The following NSD1 variants were observed in gnomAD, a reference collection of about 807,000 sequenced individuals.
NSD1 encodes histone-lysine N-methyltransferase, H3 lysine-36 specific.
NSD1 carries 26 observed loss-of-function variants against 242.7 expected under a neutral mutation model. That is an observed-to-expected ratio of 0.11 (90% CI 0.08 to 0.15). The LOEUF (loss-of-function observed/expected upper bound fraction) is 0.15. Among genes scored for constraint, NSD1 ranks in the 10% least tolerant of loss-of-function variants. The probability of loss-of-function intolerance (pLI) is 1.00; values close to 1 mark genes in which losing one functional copy is unlikely to be tolerated. For synonymous variants in NSD1, 1,106 were observed against 1,178.1 expected, an observed-to-expected ratio of 0.94 and a Z score of 1.25; for missense variants, 2,495 against 3,272.8, an observed-to-expected ratio of 0.76 and a Z score of 5.80.
At chr5:177,195,225 A>G (rs767418248) in intron 3 of NSD1, among the ~76,000 whole-genome samples, 5 of 151,888 alleles carry the variant, frequency 3.3e-5, no homozygotes, top group Non-Finnish European at 7.4e-5. Flanking sequence ...GCTCATGCCT[A>G]TAATCCCAGC....
chr5:177,185,847 ATATAT>A (rs1446549376), intron 2 of NSD1, among the ~76,000 whole-genome samples: 1 of 86,950 alleles, frequency 1.2e-5, no homozygotes, highest in African/African-American at 4.9e-5. Context: ...ATATTTAAAT[ATATAT>A]TATATATTAT....
intron 5 of NSD1, 34 bp from the exon 6 acceptor site, chr5:177,235,787 T>G (rs1161886703): frequency 6.2e-7 from 1 of 1,613,646 alleles, no homozygotes; most frequent in Non-Finnish European, 8.5e-7. Context: ...CTGAAGCTTT[T>G]TGATTAATGT....
In NSD1 at chr5:177,295,740, TAAA is replaced by T; in HGVS notation, c.*284_*286del. 2 of 535,248 alleles carry T rather than the reference TAAA, an allele frequency of 3.7e-6. No homozygotes were observed. Among genetic ancestry groups the T allele is most frequent in the Non-Finnish European group, 6.7e-6 (2 of 297,036 alleles). The allele number at this position is 535,248 out of a possible 1,614,324, so 33.2% of individuals were successfully genotyped here. ...ACTTTTCCACATGGTCATCGTGAAA[TAAA>T]AAGTCCACTCTGGAGTCAAGTATGG... On this transcript the variant is annotated 3_prime_UTR_variant, in exon 23 of 23. Coordinates refer to ENST00000439151, the MANE Select transcript of NSD1 (RefSeq NM_022455.5). The surrounding 1 kb of genome is among the most constrained non-coding windows in gnomAD (Gnocchi z 4.3).
intron 2 of NSD1, among the ~76,000 whole-genome samples, chr5:177,180,248 C>A (rs1353585532): frequency 6.6e-6 from 1 of 151,946 alleles, no homozygotes; most frequent in Non-Finnish European, 1.5e-5. Flanking sequence ...GCACATGCCA[C>A]CACGCCTAGC....
At chr5:177,234,789 G>C (rs1410143112) in intron 5 of NSD1, among the ~76,000 whole-genome samples, 1 of 152,124 alleles carries the variant, frequency 6.6e-6, no homozygotes, top group African/African-American at 2.4e-5. Context: ...TGACTTTAGA[G>C]GAAACATTTT....
intron 17 of NSD1, among the ~76,000 whole-genome samples, chr5:177,276,341 CT>C (rs1290249519): frequency 1.3e-5 from 2 of 150,188 alleles, no homozygotes; most frequent in African/African-American, 4.9e-5. Flanking sequence ...TTTTTTCCCC[CT>C]GAGACAGAGT....
chr5:177,199,419 A>C (rs1191537536), intron 3 of NSD1, among the ~76,000 whole-genome samples: 2 of 151,926 alleles, frequency 1.3e-5, no homozygotes, highest in Non-Finnish European at 2.9e-5. Context: ...CACCATGCCC[A>C]GCTAATTTTT....
upstream of NSD1, among the ~76,000 whole-genome samples, chr5:177,132,393 T>C (rs1009243689): frequency 4.0e-5 from 6 of 151,040 alleles, no homozygotes; most frequent in African/African-American, 1.2e-4. The surrounding 1 kb of genome is among the most constrained non-coding windows in gnomAD (Gnocchi z 7.5). Context: ...CGCACGCACA[T>C]ACCCACGCCG....
intron 2 of NSD1, among the ~76,000 whole-genome samples, chr5:177,146,127 T>C (rs1308893208): frequency 6.6e-6 from 1 of 151,402 alleles, no homozygotes; most frequent in African/African-American, 2.4e-5. Flanking sequence ...TTTTGCCTGG[T>C]TTTGCAATGG....
intron 14 of NSD1, among the ~76,000 whole-genome samples, chr5:177,261,909 A>C (rs1444197717): frequency 1.3e-5 from 2 of 152,148 alleles, no homozygotes; most frequent in Non-Finnish European, 2.9e-5. Flanking sequence ...ATTCTGAGGG[A>C]CTAATTTTAA....
At chr5:177,170,511 C>T (rs907369256) in intron 2 of NSD1, among the ~76,000 whole-genome samples, 3 of 151,902 alleles carry the variant, frequency 2.0e-5, no homozygotes, top group African/African-American at 4.8e-5. Flanking sequence ...CCACCATGCC[C>T]GGCTAATTTT....
At position 177,298,805 on chromosome 5, in the gene NSD1, A is replaced by G. The variant is rs1760408455; in HGVS notation, c.*3346A>G. 8.6e-6 allele frequency: 2 copies of G among 233,052 alleles called. No homozygotes were observed. The allele number at this position is 233,052 out of a possible 1,614,324, so 14.4% of individuals were successfully genotyped here. On this transcript the variant is annotated 3_prime_UTR_variant, in exon 23 of 23. Transcript: ENST00000439151. ...AAGTTTAGTCCTGACAGATTCCCCC[A>G]TAGGGAGTAATGAGGACAGCATGAA...
rs1307595972 is a variant in NSD1, at chr5:177,294,638, G to A, written c.7270G>A (p.Val2424Ile). ...CCAGAGACTCCCACCTCCTGAGAAA[G>A]TACTATCAGCTGTGGTCCAGACCCT... ...LSQRLPPPEK[V>I]LSAVVQTLVA... Residue 2424 changes from valine to isoleucine, a missense_variant, in exon 23 of 23, where the codon GTA (valine) becomes ATA (isoleucine). Coordinates refer to ENST00000439151, the MANE Select transcript of NSD1 (RefSeq NM_022455.5). 1 of 1,614,086 alleles carries A rather than the reference G, an allele frequency of 6.2e-7. No individual in the cohort carries two copies. The highest frequency in any genetic ancestry group is 1.3e-5 in the African/African-American group (1 of 74,912).
At chr5:177,195,690 A>C (rs1374561661) in intron 3 of NSD1, among the ~76,000 whole-genome samples, 1 of 152,018 alleles carries the variant, frequency 6.6e-6, no homozygotes, top group East Asian at 1.9e-4. Context: ...GCTGGTCTGA[A>C]ACTCCTGGGC....
rs1760314297 is a variant in NSD1 at position 177,297,287 on chromosome 5, C to T, written c.*1828C>T. 4.3e-6 allele frequency: 1 copy of T among 231,598 alleles called. No homozygotes were observed. Among genetic ancestry groups the T allele is most frequent in the African/African-American group, 2.2e-5 (1 of 45,200 alleles). 14.3% of individuals were successfully genotyped at this position (231,598 alleles called of 1,614,324 possible). On this transcript the variant is annotated 3_prime_UTR_variant, in exon 23 of 23. Transcript: ENST00000439151. ...TTTCATCCTCTCTCTCTTCCCACAT[C>T]ATCAAAGAGGAAAAGCTCTTTGTTC...
At chr5:177,254,276 G>GT (rs1240180148) in intron 12 of NSD1, among the ~76,000 whole-genome samples, 1 of 152,154 alleles carries the variant, frequency 6.6e-6, no homozygotes, top group Non-Finnish European at 1.5e-5. Context: ...TGATGTATTT[G>GT]TAAGACTAAT....
chr5:177,188,372 G>A (rs562727863), intron 2 of NSD1, among the ~76,000 whole-genome samples: 65 of 152,262 alleles, frequency 4.3e-4, no homozygotes, highest in South Asian at 1.2e-3. Flanking sequence ...GTCTATGAAC[G>A]AAAGTATTAA....
intron 5 of NSD1, among the ~76,000 whole-genome samples, chr5:177,212,402 C>T (rs545526394): frequency 4.6e-5 from 7 of 151,860 alleles, no homozygotes; most frequent in Admixed American, 4.6e-4. Context: ...TAAACTTTAC[C>T]AGAAGCCCTT....
Position 177,294,455 on chromosome 5 carries a change from A to C in NSD1, c.7087A>C (p.Lys2363Gln), listed in dbSNP as rs1760107366. ...PLGTADPRLD[K>Q]SIGAASPRPQ... ...GGGGACGGCTGACCCAAGGCTGGAT[A>C]AATCCATAGGTGCTGCCAGCCCAAG... is the stretch of plus-strand genomic sequence containing the variant. The change falls in exon 23 of 23, where the codon AAA (lysine) becomes CAA (glutamine). Residue 2363 changes from lysine (K) to glutamine (Q), a missense_variant. Coordinates refer to ENST00000439151, the MANE Select transcript of NSD1 (RefSeq NM_022455.5). The C allele has an allele frequency of 6.2e-7, 1 of 1,614,078 alleles. No individual in the cohort carries two copies. Among genetic ancestry groups the C allele is most frequent in the Non-Finnish European group, 8.5e-7 (1 of 1,180,038 alleles).
Sources: allele counts gnomAD v4.1 joint callset (sites outside exome capture counted in the v4.1 genomes callset), GRCh38; gene constraint gnomAD v4.1.1; non-coding constraint Gnocchi (gnomAD v3.1); transcripts MANE v1.5; gene names NCBI Gene and HGNC (gene_info 2026-07-23, HGNC 2026-07-21).